Variants in RAB7A observed in about 807,000 individuals in gnomAD.
RAB7A encodes the protein ras-related protein Rab-7a.
In RAB7A, 2 loss-of-function variants were observed where a neutral mutation model predicts 24.5. The observed-to-expected ratio is 0.08, with a 90% CI of 0.03 to 0.26. The LOEUF is 0.26. RAB7A is among the 10% of genes least tolerant of loss of function. The probability of loss-of-function intolerance (pLI) is 1.00; values close to 1 mark genes in which losing one functional copy is unlikely to be tolerated. For synonymous variants in RAB7A, 100 were observed against 95.9 expected (o/e 1.04, Z -0.25); for missense variants, 118 against 255.7 (o/e 0.46, Z 3.67).
chr3:128,767,425 CTG>C (rs1345855385), intron 1 of RAB7A, among the ~76,000 whole-genome samples: 1 of 152,180 alleles, frequency 6.6e-6, no homozygotes, highest in African/African-American at 2.4e-5. Flanking sequence ...GTAGCTGCTC[CTG>C]TGTGTAGCAA....
chr3:128,772,705 C>T lies in RAB7A; in HGVS notation c.-8-22655C>T, dbSNP rs917721490. On this transcript the variant is annotated intron_variant, in intron 1 of 5. Transcript: ENST00000265062. The stretch of plus-strand genomic sequence containing the variant: ...TCCCTAGTATCTGATTTGGAAGACT[C>T]AATTAAGGGTTTAAAAGCCTGCAGA... Among the ~76,000 whole-genome samples the T allele has an allele frequency of 1.1e-4, 17 of 152,216 alleles. 1 individual carries two copies. Among genetic ancestry groups the T allele is most frequent in the Non-Finnish European group, 2.5e-4 (17 of 68,044 alleles).
intron 1 of RAB7A, among the ~76,000 whole-genome samples, chr3:128,763,192 A>ATATATG (rs1416893918): frequency 3.1e-5 from 3 of 98,314 alleles, no homozygotes; most frequent in African/African-American, 1.5e-4. Context: ...TTTAGCTTAT[A>ATATATG]TATATATATA....
At chr3:128,800,077 A>G (rs115441850) in intron 3 of RAB7A, among the ~76,000 whole-genome samples, 4 of 152,382 alleles carry the variant, frequency 2.6e-5, no homozygotes, top group Non-Finnish European at 5.9e-5. Flanking sequence ...GTTAAACTGT[A>G]GATTAAATGG....
intron 2 of RAB7A, among the ~76,000 whole-genome samples, chr3:128,796,070 C>T (rs577037657): frequency 1.1e-4 from 16 of 152,176 alleles, no homozygotes; most frequent in African/African-American, 3.6e-4. Context: ...GTTCTTAGTG[C>T]ACCATACAGT....
At chr3:128,735,529 A>G (rs2070482981) in intron 1 of RAB7A, among the ~76,000 whole-genome samples, 1 of 152,262 alleles carries the variant, frequency 6.6e-6, no homozygotes, top group African/African-American at 2.4e-5. Context: ...ATTTGTCTAA[A>G]GAAACCATAC....
chr3:128,786,064 C>T (rs1286473285), intron 1 of RAB7A, among the ~76,000 whole-genome samples: 1 of 152,204 alleles, frequency 6.6e-6, no homozygotes, highest in Admixed American at 6.5e-5. Context: ...TTCTTGCCCC[C>T]TCCCCAGAAT....
At chr3:128,770,005 C>CT (rs766245243) in intron 1 of RAB7A, among the ~76,000 whole-genome samples, 6,161 of 140,690 alleles carry the variant, frequency 0.044, 187 homozygotes, top group Non-Finnish European at 0.063. Context: ...TTCCTTTTTT[C>CT]TTTTTTTTTT....
At chr3:128,728,759 G>A (rs542218121) in intron 1 of RAB7A, among the ~76,000 whole-genome samples, 12 of 152,228 alleles carry the variant, frequency 7.9e-5, no homozygotes, top group Admixed American at 5.9e-4. Context: ...CACTGCGCCC[G>A]GCCGACTCTG....
chr3:128,793,649 G>A lies in RAB7A; in HGVS notation c.-8-1711G>A, dbSNP rs118030008. Among the ~76,000 whole-genome samples the A allele has an allele frequency of 4.5e-4, 69 of 152,220 alleles. 2 individuals carry two copies. The East Asian group carries it at 0.013, about 28-fold the overall frequency. ...CATTTAAACTTTGACCAGTCAAAGC[G>A]GTCCCTGGGGAGAAAGGTAGGGGAA... On this transcript the variant is annotated intron_variant, in intron 1 of 5. Transcript: ENST00000265062.
chr3:128,798,183 G>A, intron 3 of RAB7A, 114 bp downstream of exon 3: 7 of 1,369,368 alleles, frequency 5.1e-6, no homozygotes. Flanking sequence ...TATCTTATTT[G>A]TAGATAATTG....
At chr3:128,800,102 G>A (rs1481610763) in intron 3 of RAB7A, among the ~76,000 whole-genome samples, 2 of 152,190 alleles carry the variant, frequency 1.3e-5, no homozygotes, top group Non-Finnish European at 1.5e-5. Context: ...GAAAAAAGCA[G>A]TAAGCCGTAA....
intron 1 of RAB7A, among the ~76,000 whole-genome samples, chr3:128,741,641 C>G (rs970469058): frequency 8.5e-5 from 13 of 152,070 alleles, no homozygotes; most frequent in Non-Finnish European, 1.9e-4. Flanking sequence ...ACCTCCACTT[C>G]CCAAAGTGCT....
At chr3:128,756,366 A>G (rs553314970) in intron 1 of RAB7A, among the ~76,000 whole-genome samples, 8 of 152,192 alleles carry the variant, frequency 5.3e-5, no homozygotes, top group Non-Finnish European at 1.0e-4. Flanking sequence ...TGTCTCAAAA[A>G]AAAAAAAATT....
At chr3:128,742,978 G>T (rs867978611) in intron 1 of RAB7A, among the ~76,000 whole-genome samples, 2 of 152,228 alleles carry the variant, frequency 1.3e-5, no homozygotes, top group African/African-American at 4.8e-5. Context: ...AGAGCAGGGG[G>T]CGGTGCCCGT....
chr3:128,742,077 G>A (rs994884007), intron 1 of RAB7A, among the ~76,000 whole-genome samples: 1 of 152,076 alleles, frequency 6.6e-6, no homozygotes, highest in African/African-American at 2.4e-5. Context: ...TCTGATGTTC[G>A]GACATGTTCA....
intron 1 of RAB7A, among the ~76,000 whole-genome samples, chr3:128,749,802 GGAACTATAAATCCA>G (rs1397243556): frequency 2.0e-5 from 3 of 152,174 alleles, no homozygotes; most frequent in African/African-American, 7.2e-5. Context: ...CCAGCCACGT[GGAACTATAAATCCA>G]GTTAAACCTC....
intron 1 of RAB7A, among the ~76,000 whole-genome samples, chr3:128,763,924 T>C (rs2070800775): frequency 7.5e-6 from 1 of 133,582 alleles, no homozygotes; most frequent in African/African-American, 2.8e-5. Flanking sequence ...ACAGGATACA[T>C]TGTTTTCCTC....
At chr3:128,795,771 A>G (rs1229358028) in intron 2 of RAB7A, among the ~76,000 whole-genome samples, 2 of 2,056 alleles carry the variant, frequency 9.7e-4, no homozygotes, top group Non-Finnish European at 8.9e-3. Flanking sequence ...TTTTTTTTGG[A>G]GACAGAGTCT....
chr3:128,731,922 T>C (rs1187987102), intron 1 of RAB7A, among the ~76,000 whole-genome samples: 1 of 150,964 alleles, frequency 6.6e-6, no homozygotes, highest in Admixed American at 6.6e-5. Context: ...GTAGAATCGC[T>C]TGAACTGGGG....
Sources: gnomAD v4.1 joint callset for allele counts (sites outside exome capture counted in the v4.1 genomes callset) on GRCh38, gnomAD v4.1.1 for gene constraint, MANE v1.5 for transcripts, NCBI Gene and HGNC (gene_info 2026-07-23, HGNC 2026-07-21) for gene names.